The following AUTS2 variants were observed in gnomAD, a reference collection of about 807,000 sequenced individuals.
The protein encoded by AUTS2 is activator of transcription and developmental regulator AUTS2, also known as autism susceptibility gene 2 protein.
In AUTS2, 17 loss-of-function variants were observed where a neutral mutation model predicts 112.4. The observed-to-expected ratio is 0.15, with a 90% CI of 0.10 to 0.23. The LOEUF is 0.23. AUTS2 is among the 10% of genes least tolerant of loss of function. The pLI is 1.00. For missense variants in AUTS2, 1,510 were observed against 1,701.6 expected, an observed-to-expected ratio of 0.89 and a Z score of 1.98; for synonymous variants, 751 against 702.7, an observed-to-expected ratio of 1.07 and a Z score of -1.09.
intron 2 of AUTS2, among the ~76,000 whole-genome samples, chr7:69,933,454 C>T (rs1001101405): frequency 1.3e-5 from 2 of 152,112 alleles, no homozygotes; most frequent in East Asian, 3.9e-4. Context: ...CTTTTTTCTT[C>T]GTTTAATCCT....
intron 2 of AUTS2, among the ~76,000 whole-genome samples, chr7:69,919,169 A>T (rs1795708194): frequency 6.6e-6 from 1 of 152,206 alleles, no homozygotes; most frequent in Non-Finnish European, 1.5e-5. Context: ...TGGAAAATAT[A>T]TTGAACACTT....
At chr7:70,777,073 T>C in intron 13 of AUTS2, 30 bp from the exon 14 acceptor site, 1 of 1,608,870 alleles carries the variant, frequency 6.2e-7, no homozygotes, top group Non-Finnish European at 8.5e-7. Context: ...AATGTCTTCC[T>C]CCTAACCACG....
intron 1 of AUTS2, among the ~76,000 whole-genome samples, chr7:69,665,465 C>T (rs1450349363): frequency 6.6e-6 from 1 of 152,114 alleles, no homozygotes; most frequent in Non-Finnish European, 1.5e-5. Flanking sequence ...AGGTTTAAAG[C>T]TGTAGGAGTC....
chr7:70,176,523 T>C (rs1229350873), intron 4 of AUTS2, among the ~76,000 whole-genome samples: 1 of 152,258 alleles, frequency 6.6e-6, no homozygotes. Flanking sequence ...GCAGTGCTAG[T>C]GTAAATGAAG....
intron 1 of AUTS2, among the ~76,000 whole-genome samples, chr7:69,617,687 C>T (rs1583949114): frequency 6.6e-6 from 1 of 152,218 alleles, no homozygotes; most frequent in East Asian, 1.9e-4. Context: ...TAAACAAGAG[C>T]ACATCTGGAG....
intron 5 of AUTS2, among the ~76,000 whole-genome samples, chr7:70,601,465 A>G (rs1803466935): frequency 6.6e-6 from 1 of 152,166 alleles, no homozygotes; most frequent in South Asian, 2.1e-4. Flanking sequence ...GCCATTACCC[A>G]CTGGAAAGTT....
intron 1 of AUTS2, among the ~76,000 whole-genome samples, chr7:69,815,656 A>T (rs560500431): frequency 2.6e-5 from 4 of 152,264 alleles, no homozygotes; most frequent in African/African-American, 7.2e-5. Context: ...CTGAGACTAC[A>T]GGCACATGCC....
intron 5 of AUTS2, among the ~76,000 whole-genome samples, chr7:70,535,694 C>T (rs544878038): frequency 5.7e-4 from 86 of 152,144 alleles, no homozygotes; most frequent in Non-Finnish European, 1.0e-3. Flanking sequence ...AGATTACAGG[C>T]GTGAGCCACT....
rs374778764 is a variant in AUTS2, at chr7:70,742,514, G to A, written c.743-20356G>A. ...ACGGTGGCACACACCTGTAATCTCA[G>A]CACTTTGGGAGGCGAAGGTGAGTGG... On this transcript the variant is annotated intron_variant, in intron 6 of 18. Transcript: ENST00000342771. Among the ~76,000 whole-genome samples, 41 of 152,290 alleles carry A rather than the reference G, an allele frequency of 2.7e-4. 1 individual carries two copies. The South Asian group carries it at 7.9e-3, about 29-fold the overall frequency.
At chr7:70,761,791 C>T (rs1048123366) in intron 6 of AUTS2, among the ~76,000 whole-genome samples, 5 of 152,186 alleles carry the variant, frequency 3.3e-5, no homozygotes, top group African/African-American at 9.7e-5. Context: ...ATTTCTTTCA[C>T]GATTGTAGAA....
Position 70,284,387 on chromosome 7 carries a change from A to G in AUTS2, c.660+149816A>G, listed in dbSNP as rs924991703. On this transcript the variant is annotated intron_variant, in intron 4 of 18. Coordinates refer to ENST00000342771, the MANE Select transcript of AUTS2 (RefSeq NM_015570.4). ...GATCATTTTAGGATCAATTCCTAGC[A>G]ATTTCTGGATTGCTGGATCAAAGGC... 2.6e-5 allele frequency among the ~76,000 whole-genome samples: 4 copies of G among 152,230 alleles called. No individual in the cohort carries two copies. In the East Asian group the frequency reaches 5.8e-4, roughly 22 times the overall value.
At chr7:70,192,532 T>C (rs1809957095) in intron 4 of AUTS2, among the ~76,000 whole-genome samples, 1 of 152,172 alleles carries the variant, frequency 6.6e-6, no homozygotes, top group African/African-American at 2.4e-5. Flanking sequence ...CAACTTAAAA[T>C]GAGAAGCTGA....
chr7:70,044,786 T>TA (rs1801426408), intron 2 of AUTS2, among the ~76,000 whole-genome samples: 2 of 152,176 alleles, frequency 1.3e-5, no homozygotes, highest in African/African-American at 4.8e-5. Context: ...TGATTTAGAC[T>TA]TTTAACTGAA....
chr7:69,731,235 T>C (rs1786778393), intron 1 of AUTS2, among the ~76,000 whole-genome samples: 1 of 152,152 alleles, frequency 6.6e-6, no homozygotes, highest in Admixed American at 6.5e-5. Context: ...GAGGCTGCAG[T>C]GAGCCATGAT....
chr7:70,455,335 C>T (rs1796692234), intron 5 of AUTS2, among the ~76,000 whole-genome samples: 1 of 152,160 alleles, frequency 6.6e-6, no homozygotes, highest in South Asian at 2.1e-4. Context: ...TGGCCTTCAT[C>T]TTGGGTGCTA....
intron 4 of AUTS2, among the ~76,000 whole-genome samples, chr7:70,226,741 C>A (rs1811785551): frequency 6.6e-6 from 1 of 152,042 alleles, no homozygotes. Flanking sequence ...ATGTTATATG[C>A]AGTATATCAT....
intron 5 of AUTS2, among the ~76,000 whole-genome samples, chr7:70,519,591 TCAAGTTCCAACAGAAA>T (rs1302610726): frequency 6.6e-6 from 1 of 152,176 alleles, no homozygotes; most frequent in Admixed American, 6.5e-5. Flanking sequence ...GTCTGAGAGC[TCAAGTTCCAACAGAAA>T]CAAAACCTTT....
chr7:70,705,664 G>T (rs1348831680), intron 6 of AUTS2, among the ~76,000 whole-genome samples: 1 of 152,056 alleles, frequency 6.6e-6, no homozygotes, highest in African/African-American at 2.4e-5. Context: ...CTTGACTCTT[G>T]TCATTAGCTG....
At chr7:70,173,420 C>T (rs1212313633) in intron 4 of AUTS2, among the ~76,000 whole-genome samples, 3 of 151,818 alleles carry the variant, frequency 2.0e-5, no homozygotes. Context: ...CTATCTCAGT[C>T]TCTGCAATGA....
Sources: allele counts gnomAD v4.1 joint callset (sites outside exome capture counted in the v4.1 genomes callset), GRCh38; gene constraint gnomAD v4.1.1; transcripts MANE v1.5; gene names NCBI Gene and HGNC (gene_info 2026-07-23, HGNC 2026-07-21).